The following XDH variants were observed in gnomAD, a reference collection of about 807,000 sequenced individuals.
The protein encoded by XDH is xanthine dehydrogenase, also known as xanthine dehydrogenase/oxidase.
Under a neutral mutation model 156.1 loss-of-function variants are expected in XDH, and 138 were observed. The ratio of observed to expected loss-of-function variants is 0.88; its 90% CI spans 0.77 to 1.02. The LOEUF (loss-of-function observed/expected upper bound fraction) is 1.02, where lower values mean the gene tolerates loss of function less well. Among genes scored for constraint, XDH ranks in the 50% least tolerant of loss-of-function variants. The probability of loss-of-function intolerance (pLI) is 0.00; values close to 1 mark genes in which losing one functional copy is unlikely to be tolerated. For missense variants in XDH, 1,849 were observed against 1,684.9 expected (o/e 1.10, Z -1.71); for synonymous variants, 669 against 625.7 (o/e 1.07, Z -1.03).
At chr2:31,365,246 C>T (rs1158964089) in intron 23 of XDH, among the ~76,000 whole-genome samples, 4 of 152,194 alleles carry the variant, frequency 2.6e-5, no homozygotes, top group Non-Finnish European at 2.9e-5. Flanking sequence ...GTCACGAATG[C>T]CACCCTTGGG....
intron 6 of XDH, 29 bp from the exon 7 acceptor site, chr2:31,388,324 G>A (rs752062155): frequency 1.2e-6 from 2 of 1,610,270 alleles, no homozygotes; most frequent in South Asian, 2.2e-5. Flanking sequence ...TCTGCACAAG[G>A]GTATTTACAA....
chr2:31,384,148 GTGTGTGTT>G (rs1470658704), intron 9 of XDH: 1 of 389,880 alleles, frequency 2.6e-6, no homozygotes, highest in African/African-American at 2.1e-5. Context: ...GTGTGTGTGT[GTGTGTGTT>G]TGTGTACATT....
chr2:31,388,631 G>T (rs45528140), intron 6 of XDH, among the ~76,000 whole-genome samples: 1 of 152,164 alleles, frequency 6.6e-6, no homozygotes, highest in Non-Finnish European at 1.5e-5. Flanking sequence ...CTCAGGAAGC[G>T]TCTATGAGGG....
At chr2:31,339,383 TG>T (rs1685058994) in intron 34 of XDH, 105 bp downstream of exon 34, 1 of 1,453,254 alleles carries the variant, frequency 6.9e-7, no homozygotes, top group Admixed American at 1.7e-5. Flanking sequence ...CCTCAAGATA[TG>T]CCCTTTGAAG....
At chr2:31,352,293 CT>C (rs1685505102) in intron 24 of XDH, among the ~76,000 whole-genome samples, 2 of 151,958 alleles carry the variant, frequency 1.3e-5, no homozygotes, top group African/African-American at 2.4e-5. Context: ...CATTCTGTTC[CT>C]TCTTTAAGTT....
intron 4 of XDH, among the ~76,000 whole-genome samples, chr2:31,400,592 T>C (rs1400223104): frequency 1.3e-5 from 2 of 152,178 alleles, no homozygotes; most frequent in African/African-American, 4.8e-5. Context: ...CAAACCAGTC[T>C]AAGATTATTA....
intron 4 of XDH, 121 bp from the exon 5 acceptor site, chr2:31,398,820 C>G (rs1034759884): frequency 1.3e-5 from 20 of 1,511,540 alleles, no homozygotes; most frequent in Non-Finnish European, 1.7e-5. Flanking sequence ...TGCACAGAGT[C>G]AAGCCCCAGT....
In XDH at chr2:31,383,093, C is replaced by A. The variant is rs1686481553; in HGVS notation, c.946G>T (p.Val316Phe). 5 of 1,614,218 alleles carry A rather than the reference C, an allele frequency of 3.1e-6. No individual in the cohort carries two copies. Among genetic ancestry groups the A allele is most frequent in the East Asian group, 2.2e-5 (1 of 44,876 alleles). Residue 316 changes from valine (V) to phenylalanine (F), a missense_variant, in exon 11 of 36, where the codon GTT (valine) becomes TTT (phenylalanine). By Grantham distance (50) the Val-to-Phe change is conservative (BLOSUM62 -1). Transcript: ENST00000379416. ...GTCTTTTGGGCAGGAAGCTTAGCAA[C>A]AGCATCCACCAGGGTTTTTTCCACA... ...SIVEKTLVDA[V>F]AKLPAQKTEV...
chr2:31,373,750 A>C, intron 16 of XDH, 123 bp downstream of exon 16: 1 of 911,808 alleles, frequency 1.1e-6, no homozygotes, highest in East Asian at 2.7e-5. Context: ...TTTACGCACA[A>C]GAGTAAGGAG....
rs546461165 is a variant in XDH, at chr2:31,335,843, C to T, written c.*115G>A. ...ACTTGTCTTCCAAATCCCATCTTGA[C>T]AAATCACAGGTCTGTCATTCTGTGA... On this transcript the variant is annotated 3_prime_UTR_variant, in exon 36 of 36. Transcript: ENST00000379416. The T allele has an allele frequency of 1.9e-5, 23 of 1,238,050 alleles. No individual in the cohort carries two copies. The highest frequency in any genetic ancestry group is 2.7e-5 in the Non-Finnish European group (23 of 842,280). The allele number at this position is 1,238,050 out of a possible 1,614,324, so 76.7% of individuals were successfully genotyped here.
intron 18 of XDH, 104 bp from the exon 19 acceptor site, chr2:31,368,764 C>A (rs942824842): frequency 6.2e-7 from 1 of 1,601,332 alleles, no homozygotes; most frequent in African/African-American, 1.3e-5. Flanking sequence ...CCCTCACAAT[C>A]AAAGCACACT....
At chr2:31,377,020 TAGC>T (rs1183149466) in intron 14 of XDH, 30 bp downstream of exon 14, 1 of 1,613,612 alleles carries the variant, frequency 6.2e-7, no homozygotes, top group East Asian at 2.2e-5. Flanking sequence ...GCAGCAACAT[TAGC>T]AGCAGTTTCA....
chr2:31,343,551 C>A, intron 31 of XDH, among the ~76,000 whole-genome samples: 1 of 139,688 alleles, frequency 7.2e-6, no homozygotes, highest in South Asian at 2.3e-4. Context: ...TATATATATG[C>A]CTTATATAAG....
At chr2:31,336,975 C>A (rs1684984583) in intron 35 of XDH, among the ~76,000 whole-genome samples, 1 of 150,160 alleles carries the variant, frequency 6.7e-6, no homozygotes, top group Non-Finnish European at 1.5e-5. Flanking sequence ...AGCAACCGTC[C>A]TAGCAAAGTC....
chr2:31,395,861 C>T (rs1051780529), intron 6 of XDH, among the ~76,000 whole-genome samples: 1 of 152,146 alleles, frequency 6.6e-6, no homozygotes, highest in Non-Finnish European at 1.5e-5. Context: ...ATAAAGACTC[C>T]TAAGCTGCTT....
intron 24 of XDH, among the ~76,000 whole-genome samples, chr2:31,361,276 T>A (rs949201406): frequency 6.6e-6 from 1 of 152,262 alleles, no homozygotes; most frequent in Non-Finnish European, 1.5e-5. Flanking sequence ...GAATGAAATG[T>A]TTCTCAAAAC....
At chr2:31,377,592 C>A (rs183068535) in intron 13 of XDH, among the ~76,000 whole-genome samples, 8 of 152,234 alleles carry the variant, frequency 5.3e-5, no homozygotes, top group Admixed American at 1.3e-4. Flanking sequence ...CCTTACCTTC[C>A]CTACCCTGGT....
At chr2:31,402,999 C>A in intron 3 of XDH, 49 bp downstream of exon 3, 1 of 1,602,826 alleles carries the variant, frequency 6.2e-7, no homozygotes, top group Non-Finnish European at 8.5e-7. Flanking sequence ...ACAAGCTGGT[C>A]CTGCATCGCA....
chr2:31,345,987 T>C (rs1161959546), intron 30 of XDH, among the ~76,000 whole-genome samples: 1 of 152,216 alleles, frequency 6.6e-6, no homozygotes, highest in African/African-American at 2.4e-5. Flanking sequence ...ATAGAAGGCA[T>C]AGTAAGATGA....
Sources: gnomAD v4.1 joint callset for allele counts (sites outside exome capture counted in the v4.1 genomes callset) on GRCh38, gnomAD v4.1.1 for gene constraint, MANE v1.5 for transcripts, NCBI Gene and HGNC (gene_info 2026-07-23, HGNC 2026-07-21) for gene names.